Variants in MCC observed in about 807,000 individuals in gnomAD.
MCC encodes colorectal mutant cancer protein.
In MCC, 90 loss-of-function variants were observed where a neutral mutation model predicts 116.2. The observed-to-expected ratio is 0.77, with a 90% CI of 0.65 to 0.92. The LOEUF is 0.92. Ranked by LOEUF, MCC falls within the 40% of genes least tolerant of loss-of-function variation. The pLI, the probability that MCC is intolerant of heterozygous loss-of-function variation, is 0.00. For synonymous variants in MCC, 578 were observed against 510.5 expected, an observed-to-expected ratio of 1.13 and a Z score of -1.78; for missense variants, 1,516 against 1,312.2, an observed-to-expected ratio of 1.16 and a Z score of -2.40.
intron 14 of MCC, among the ~76,000 whole-genome samples, chr5:113,054,564 A>G (rs906035935): frequency 6.6e-6 from 1 of 152,132 alleles, no homozygotes; most frequent in Admixed American, 6.5e-5. Context: ...GCGGAGCAGC[A>G]CCGAAGGGGG....
chr5:113,268,356 GCACCACCA>G (rs1765490979), intron 3 of MCC, among the ~76,000 whole-genome samples: 1 of 152,276 alleles, frequency 6.6e-6, no homozygotes, highest in Non-Finnish European at 1.5e-5. Flanking sequence ...CACGTGCACA[GCACCACCA>G]CTCCTAGAAA....
intron 2 of MCC, among the ~76,000 whole-genome samples, chr5:113,374,217 G>T (rs74609475): frequency 0.017 from 2,177 of 127,544 alleles, 23 homozygotes; most frequent in African/African-American, 0.029. Flanking sequence ...TTTTTTTTTT[G>T]TTTTTTTTTT....
intron 1 of MCC, among the ~76,000 whole-genome samples, chr5:113,481,913 T>G (rs1772389096): frequency 6.6e-6 from 1 of 152,168 alleles, no homozygotes; most frequent in Admixed American, 6.5e-5. Flanking sequence ...CCTATACTCT[T>G]TAGCTCTCAT....
chr5:113,125,971 A>G (rs1042444131), intron 5 of MCC, among the ~76,000 whole-genome samples: 2 of 152,250 alleles, frequency 1.3e-5, no homozygotes, highest in Non-Finnish European at 2.9e-5. Context: ...ATTTAAAACC[A>G]GAAAAATAGC....
chr5:113,382,697 T>C (rs1292657170), intron 2 of MCC, among the ~76,000 whole-genome samples: 1 of 152,198 alleles, frequency 6.6e-6, no homozygotes, highest in Non-Finnish European at 1.5e-5. Flanking sequence ...GTGTGGGGCA[T>C]TGCTTTATGG....
intron 2 of MCC, among the ~76,000 whole-genome samples, chr5:113,378,421 T>C (rs1769035553): frequency 1.3e-5 from 2 of 152,070 alleles, no homozygotes; most frequent in South Asian, 4.2e-4. Context: ...AAAGAGTCTT[T>C]GGAGATATAG....
chr5:113,423,992 G>A (rs1414608246), intron 1 of MCC, among the ~76,000 whole-genome samples: 1 of 152,088 alleles, frequency 6.6e-6, no homozygotes, highest in Non-Finnish European at 1.5e-5. Context: ...ATGGCAGACT[G>A]AAGGACATCC....
At chr5:113,101,594 G>A (rs1756413826) in intron 8 of MCC, 145 bp downstream of exon 8, 2 of 754,346 alleles carry the variant, frequency 2.7e-6, no homozygotes, top group Non-Finnish European at 2.2e-6. Context: ...CTACTTTCAA[G>A]AAGGACTTCA....
chr5:113,303,256 A>C (rs1014207537), intron 3 of MCC, among the ~76,000 whole-genome samples: 1 of 152,182 alleles, frequency 6.6e-6, no homozygotes, highest in African/African-American at 2.4e-5. Flanking sequence ...GTTGATGTTG[A>C]AGGTCATGAG....
intron 14 of MCC, among the ~76,000 whole-genome samples, chr5:113,062,414 TA>T (rs1262680216): frequency 6.6e-6 from 1 of 152,240 alleles, no homozygotes. Context: ...TGATTCAGAA[TA>T]AAACCACAAC....
intron 3 of MCC, among the ~76,000 whole-genome samples, chr5:113,321,459 C>G (rs979355444): frequency 3.9e-5 from 6 of 152,180 alleles, no homozygotes; most frequent in Non-Finnish European, 8.8e-5. Flanking sequence ...AGAGCTCGGC[C>G]TTCTGGATCT....
intron 3 of MCC, among the ~76,000 whole-genome samples, chr5:113,317,396 T>A (rs559431146): frequency 1.3e-5 from 2 of 152,332 alleles, no homozygotes; most frequent in South Asian, 4.1e-4. Flanking sequence ...GTTTATTGCA[T>A]TACATTACAA....
chr5:113,469,250 T>C (rs1772009034), intron 1 of MCC, among the ~76,000 whole-genome samples: 2 of 152,126 alleles, frequency 1.3e-5, no homozygotes, highest in South Asian at 2.1e-4. Flanking sequence ...GCTCTTGCTT[T>C]TCTAGTTCTT....
At chr5:113,136,622 G>A (rs1221984175) in intron 5 of MCC, among the ~76,000 whole-genome samples, 4 of 152,114 alleles carry the variant, frequency 2.6e-5, no homozygotes, top group Non-Finnish European at 5.9e-5. Context: ...TATTGTAAAT[G>A]GAATTGACTT....
chr5:113,037,828 T>C (rs1019526037), intron 17 of MCC, among the ~76,000 whole-genome samples: 4 of 152,138 alleles, frequency 2.6e-5, no homozygotes, highest in Admixed American at 2.0e-4. Context: ...GGGTGTGCTC[T>C]TGGAAAGATG....
At chr5:113,290,154 G>A (rs1194927866) in intron 3 of MCC, among the ~76,000 whole-genome samples, 2 of 152,210 alleles carry the variant, frequency 1.3e-5, no homozygotes, top group Admixed American at 1.3e-4. Flanking sequence ...CAACGAAGAG[G>A]TGGCATTTCA....
intron 1 of MCC, among the ~76,000 whole-genome samples, chr5:113,389,911 G>A (rs535433455): frequency 6.6e-6 from 1 of 152,214 alleles, no homozygotes; most frequent in South Asian, 2.1e-4. Flanking sequence ...TAAGTATGAA[G>A]GACCAATGGC....
At chr5:113,288,014 A>AT (rs1484895275) in intron 3 of MCC, among the ~76,000 whole-genome samples, 2 of 152,168 alleles carry the variant, frequency 1.3e-5, no homozygotes, top group Non-Finnish European at 1.5e-5. Flanking sequence ...TTCATATCAC[A>AT]TGTTCTCCTT....
At chr5:113,039,721 C>CCG (rs1751568996) in intron 17 of MCC, among the ~76,000 whole-genome samples, 1 of 147,736 alleles carries the variant, frequency 6.8e-6, no homozygotes, top group Admixed American at 6.7e-5. Context: ...GCCCCCCCCC[C>CCG]CAACCCACCC....
Sources: allele counts gnomAD v4.1 joint callset (sites outside exome capture counted in the v4.1 genomes callset), GRCh38; gene constraint gnomAD v4.1.1; transcripts MANE v1.5; gene names NCBI Gene and HGNC (gene_info 2026-07-23, HGNC 2026-07-21).